PLCB4: variants seen among roughly 807,000 people sequenced by gnomAD.
PLCB4 encodes the protein 1-phosphatidylinositol 4,5-bisphosphate phosphodiesterase beta-4.
Under a neutral mutation model 178.8 loss-of-function variants are expected in PLCB4, and 77 were observed. That is an observed-to-expected ratio of 0.43 (90% CI 0.36 to 0.52). The LOEUF is 0.52. PLCB4 is among the 20% of genes least tolerant of loss of function. PLCB4 has a pLI of 0.00. For missense variants in PLCB4, 1,024 were observed against 1,453.4 expected, an observed-to-expected ratio of 0.70 and a Z score of 4.80; for synonymous variants, 496 against 490.8, an observed-to-expected ratio of 1.01 and a Z score of -0.14.
intron 30 of PLCB4, among the ~76,000 whole-genome samples, chr20:9,442,969 G>C (rs1441703697): frequency 6.6e-6 from 1 of 152,122 alleles, no homozygotes; most frequent in Non-Finnish European, 1.5e-5. Context: ...GGATTCTAAT[G>C]GAAATCAATT....
At chr20:9,286,184 A>C (rs933457700) in intron 3 of PLCB4, among the ~76,000 whole-genome samples, 10 of 151,958 alleles carry the variant, frequency 6.6e-5, no homozygotes, top group Admixed American at 6.6e-4. Flanking sequence ...GGAGTTTAGG[A>C]GTTTTAGGGG....
chr20:9,191,516 A>G (rs150280592), intron 2 of PLCB4, among the ~76,000 whole-genome samples: 2 of 152,126 alleles, frequency 1.3e-5, no homozygotes, highest in Admixed American at 1.3e-4. Flanking sequence ...TCTATTATTT[A>G]TAACTTACCC....
intron 2 of PLCB4, among the ~76,000 whole-genome samples, chr20:9,133,976 A>G (rs2092331269): frequency 6.6e-6 from 1 of 152,206 alleles, no homozygotes; most frequent in African/African-American, 2.4e-5. Flanking sequence ...CAAATGTCCT[A>G]CTGTAAAGAC....
At chr20:9,263,891 G>A (rs1222653152) in intron 3 of PLCB4, among the ~76,000 whole-genome samples, 1 of 152,154 alleles carries the variant, frequency 6.6e-6, no homozygotes, top group Non-Finnish European at 1.5e-5. Context: ...TTAAAATCAT[G>A]TCCAAAAGGC....
At chr20:9,430,715 C>T (rs1311569612) in intron 28 of PLCB4, among the ~76,000 whole-genome samples, 1 of 152,150 alleles carries the variant, frequency 6.6e-6, no homozygotes, top group Non-Finnish European at 1.5e-5. Flanking sequence ...AGATAGCTTG[C>T]CTGTGACAAA....
intron 2 of PLCB4, among the ~76,000 whole-genome samples, chr20:9,169,284 G>A (rs2093025153): frequency 6.6e-6 from 1 of 151,998 alleles, no homozygotes; most frequent in Non-Finnish European, 1.5e-5. Context: ...GTCTCAGCTT[G>A]TGAGATATGT....
chr20:9,313,386 A>C (rs937429639), intron 4 of PLCB4, among the ~76,000 whole-genome samples: 1 of 152,198 alleles, frequency 6.6e-6, no homozygotes, highest in Non-Finnish European at 1.5e-5. Context: ...GAAACAGAGG[A>C]AAGTCCAGAG....
intron 4 of PLCB4, among the ~76,000 whole-genome samples, chr20:9,320,423 C>T (rs760856998): frequency 1.9e-4 from 29 of 152,146 alleles, no homozygotes; most frequent in Non-Finnish European, 3.7e-4. Context: ...AGCTTTTGGC[C>T]GGCTTCCTTA....
chr20:9,348,775 G>A (rs1222388798), intron 7 of PLCB4, among the ~76,000 whole-genome samples: 1 of 152,214 alleles, frequency 6.6e-6, no homozygotes, highest in East Asian at 1.9e-4. Flanking sequence ...TGCAGCTGAA[G>A]CTAGAGGATA....
chr20:9,128,201 C>T (rs1470339168), intron 2 of PLCB4, among the ~76,000 whole-genome samples: 1 of 151,864 alleles, frequency 6.6e-6, no homozygotes, highest in African/African-American at 2.4e-5. Flanking sequence ...GGTATGTCCC[C>T]TCTTCTCTCT....
chr20:9,352,448 A>C (rs1196319603), intron 7 of PLCB4, among the ~76,000 whole-genome samples: 1 of 152,236 alleles, frequency 6.6e-6, no homozygotes, highest in Non-Finnish European at 1.5e-5. Context: ...AGGCTTAGGC[A>C]ATGCAAAAAT....
intron 30 of PLCB4, among the ~76,000 whole-genome samples, 153 bp from the exon 31 acceptor site, chr20:9,443,828 G>T (rs1487312206): frequency 6.6e-6 from 1 of 151,924 alleles, no homozygotes; most frequent in Non-Finnish European, 1.5e-5. Context: ...CCAGTTAATT[G>T]CTTTGTAATA....
chr20:9,261,649 G>C (rs1224002411), intron 3 of PLCB4, among the ~76,000 whole-genome samples: 1 of 152,092 alleles, frequency 6.6e-6, no homozygotes, highest in African/African-American at 2.4e-5. Flanking sequence ...ACTTGACTTT[G>C]AGTATGTAAT....
intron 2 of PLCB4, among the ~76,000 whole-genome samples, chr20:9,139,522 G>C (rs1201517848): frequency 6.6e-6 from 1 of 152,060 alleles, no homozygotes; most frequent in African/African-American, 2.4e-5. Flanking sequence ...CAGTGAGGGA[G>C]CTGGCTTCCA....
chr20:9,386,961 C>T (rs1032079220), intron 14 of PLCB4, among the ~76,000 whole-genome samples: 1 of 150,672 alleles, frequency 6.6e-6, no homozygotes, highest in African/African-American at 2.4e-5. Context: ...GGCATGATGT[C>T]AGCTCACTGG....
intron 3 of PLCB4, among the ~76,000 whole-genome samples, chr20:9,293,246 AGAAAGGGAAG>A (rs1176105931): frequency 3.1e-4 from 47 of 150,200 alleles, no homozygotes; most frequent in Admixed American, 6.0e-4. Context: ...AAGGGAAGAA[AGAAAGGGAAG>A]GAAAGGGAAG....
At chr20:9,446,261 T>A (rs1415657330) in intron 32 of PLCB4, among the ~76,000 whole-genome samples, 4 of 152,070 alleles carry the variant, frequency 2.6e-5, no homozygotes, top group Non-Finnish European at 4.4e-5. Context: ...AAATCAAGAG[T>A]CCAGAATCCA....
At chr20:9,162,004 G>A (rs2092895953) in intron 2 of PLCB4, among the ~76,000 whole-genome samples, 1 of 152,188 alleles carries the variant, frequency 6.6e-6, no homozygotes, top group Non-Finnish European at 1.5e-5. Context: ...GAACATTGAT[G>A]AGAATTTTAA....
intron 20 of PLCB4, among the ~76,000 whole-genome samples, chr20:9,403,241 G>T (rs1234875296): frequency 6.6e-6 from 1 of 152,140 alleles, no homozygotes; most frequent in Non-Finnish European, 1.5e-5. Context: ...TACAAGTTGG[G>T]AGTTCAAAAG....
Sources: gnomAD v4.1 joint callset for allele counts (sites outside exome capture counted in the v4.1 genomes callset) on GRCh38, gnomAD v4.1.1 for gene constraint, MANE v1.5 for transcripts, NCBI Gene and HGNC (gene_info 2026-07-23, HGNC 2026-07-21) for gene names.